DNAH11: variants seen among roughly 807,000 people sequenced by gnomAD.
DNAH11 encodes the protein axonemal beta dynein heavy chain 11.
In DNAH11, 442 loss-of-function variants were observed where a neutral mutation model predicts 526.0. That is an observed-to-expected ratio of 0.84 (90% CI 0.78 to 0.91). DNAH11 has a LOEUF of 0.91. Among genes scored for constraint, DNAH11 ranks in the 40% least tolerant of loss-of-function variants. The pLI, the probability that DNAH11 is intolerant of heterozygous loss-of-function variation, is 0.00. For synonymous variants in DNAH11, 2,461 were observed against 1,935.9 expected, an observed-to-expected ratio of 1.27 and a Z score of -7.12; for missense variants, 6,989 against 5,448.7, an observed-to-expected ratio of 1.28 and a Z score of -8.90.
chr7:21,742,174 G>A lies in DNAH11; in HGVS notation c.8154+8G>A. The A allele has an allele frequency of 6.2e-7, 1 of 1,613,264 alleles. No homozygotes were observed. The highest frequency in any genetic ancestry group is 8.5e-7 in the Non-Finnish European group (1 of 1,179,716). On this transcript the variant is annotated splice_region_variant and intron_variant, in intron 49 of 81. Transcript: ENST00000409508. ...TTATCAAACGTCTTCCAGGTACCTT[G>A]ACTGCTCTATGTTATGCCTCTTGAG...
chr7:21,634,455 A>G (rs1015940642), intron 25 of DNAH11, among the ~76,000 whole-genome samples: 1 of 152,214 alleles, frequency 6.6e-6, no homozygotes, highest in African/African-American at 2.4e-5. Context: ...TTTTTCCCTC[A>G]AAGAAGAGTC....
At chr7:21,821,436 C>T (rs1455597589) in intron 65 of DNAH11, among the ~76,000 whole-genome samples, 2 of 152,152 alleles carry the variant, frequency 1.3e-5, no homozygotes, top group Non-Finnish European at 2.9e-5. Flanking sequence ...AGAGGGTACC[C>T]TGTCTTGCCT....
rs186599033 is a variant in DNAH11 at position 21,603,795 on chromosome 7, C to G, written c.3648+2177C>G. Among the ~76,000 whole-genome samples the G allele has an allele frequency of 1.1e-3, 167 of 152,154 alleles. 1 individual carries two copies. Among genetic ancestry groups the G allele is most frequent in the African/African-American group, 3.6e-3 (151 of 41,504 alleles). The stretch of plus-strand genomic sequence containing the variant: ...ATATTCCTTGAATCAGATGTTGAAC[C>G]TTAAACTATATCTCATAGAGAAAGT... On this transcript the variant is annotated intron_variant, in intron 18 of 81. Coordinates refer to ENST00000409508, the MANE Select transcript of DNAH11 (RefSeq NM_001277115.2).
chr7:21,680,723 G>A (rs992290479), intron 30 of DNAH11, among the ~76,000 whole-genome samples: 5 of 151,928 alleles, frequency 3.3e-5, no homozygotes, highest in Admixed American at 6.6e-5. Context: ...CGAGTTCGAC[G>A]GACCTAAACA....
intron 25 of DNAH11, among the ~76,000 whole-genome samples, chr7:21,630,849 G>A (rs933273717): frequency 4.6e-5 from 7 of 151,896 alleles, no homozygotes; most frequent in Non-Finnish European, 8.8e-5. Context: ...TTTGTACCTG[G>A]ATATTTATAT....
At position 21,861,786 on chromosome 7, in the gene DNAH11, G is replaced by A. The variant is rs375077953; in HGVS notation, c.11203-67G>A. 3 of 1,584,908 alleles carry A rather than the reference G, an allele frequency of 1.9e-6. No individual in the cohort carries two copies. In the East Asian group the frequency reaches 6.8e-5, roughly 36 times the overall value. On this transcript the variant is annotated intron_variant, in intron 68 of 81. Transcript: ENST00000409508. ...GATAAACCTTAAACTGTTGCCCTGT[G>A]TATCGGGGGTAGCTAGACATCCAGG...
At chr7:21,593,610 A>C (rs1784767034) in intron 14 of DNAH11, among the ~76,000 whole-genome samples, 1 of 152,166 alleles carries the variant, frequency 6.6e-6, no homozygotes, top group Admixed American at 6.5e-5. Flanking sequence ...GTGTCTTTAG[A>C]CAGGAGCGCG....
At chr7:21,566,311 G>T (rs1192840464) in intron 6 of DNAH11, among the ~76,000 whole-genome samples, 1 of 152,006 alleles carries the variant, frequency 6.6e-6, no homozygotes, top group African/African-American at 2.4e-5. Flanking sequence ...CTATCCAAAG[G>T]TTTCATTGAC....
chr7:21,706,248 C>G (rs1784257383), intron 39 of DNAH11, among the ~76,000 whole-genome samples: 1 of 151,866 alleles, frequency 6.6e-6, no homozygotes, highest in Non-Finnish European at 1.5e-5. Context: ...TTTGGTCTTA[C>G]TGACAGTCCT....
intron 12 of DNAH11, among the ~76,000 whole-genome samples, chr7:21,589,696 T>C (rs1373957292): frequency 2.0e-5 from 3 of 152,204 alleles, no homozygotes; most frequent in Non-Finnish European, 4.4e-5. Flanking sequence ...GTTTCTAGTT[T>C]AGTGTCTGGT....
chr7:21,892,398 T>C, intron 76 of DNAH11, 27 bp from the exon 77 acceptor site: 1 of 1,589,096 alleles, frequency 6.3e-7, no homozygotes, highest in Non-Finnish European at 8.6e-7. Flanking sequence ...ACATTTGGAA[T>C]AACTGACTTT....
intron 68 of DNAH11, 118 bp from the exon 69 acceptor site, chr7:21,861,735 A>T: frequency 2.9e-6 from 3 of 1,021,300 alleles, no homozygotes; most frequent in Non-Finnish European, 4.2e-6. Context: ...CCTCCTAAAA[A>T]TTTTGCCTCA....
intron 30 of DNAH11, among the ~76,000 whole-genome samples, chr7:21,673,399 A>G (rs1367686570): frequency 1.3e-5 from 2 of 152,214 alleles, no homozygotes; most frequent in African/African-American, 2.4e-5. Flanking sequence ...TACACAGTAC[A>G]CATGTACCCA....
At chr7:21,648,301 C>A (rs941573160) in intron 28 of DNAH11, among the ~76,000 whole-genome samples, 3 of 152,186 alleles carry the variant, frequency 2.0e-5, no homozygotes, top group African/African-American at 7.2e-5. Context: ...TGTATCCATG[C>A]CCTTTGAATG....
At chr7:21,659,544 G>A (rs1782156930) in intron 30 of DNAH11, among the ~76,000 whole-genome samples, 1 of 151,928 alleles carries the variant, frequency 6.6e-6, no homozygotes, top group African/African-American at 2.4e-5. Context: ...TGTGCTGTGA[G>A]CTATATAACA....
intron 74 of DNAH11, among the ~76,000 whole-genome samples, chr7:21,876,025 A>G (rs1783696913): frequency 6.6e-6 from 1 of 151,958 alleles, no homozygotes; most frequent in South Asian, 2.1e-4. Flanking sequence ...CTGGGACTAC[A>G]GGTGCCTGCC....
intron 9 of DNAH11, among the ~76,000 whole-genome samples, chr7:21,582,760 G>A (rs1224652333): frequency 6.6e-6 from 1 of 152,116 alleles, no homozygotes; most frequent in Non-Finnish European, 1.5e-5. Context: ...TCCCAAAAGA[G>A]GGATGGAGGG....
intron 8 of DNAH11, among the ~76,000 whole-genome samples, chr7:21,576,320 A>G (rs7797607): frequency 0.45 from 68,964 of 152,098 alleles, 16,353 homozygotes; most frequent in East Asian, 0.76. Context: ...GCCACAAACA[A>G]CCCTTGAAAA....
chr7:21,784,468 A>T lies in DNAH11; in HGVS notation c.9525A>T (p.Glu3175Asp), dbSNP rs1562543633. The T allele has an allele frequency of 5.0e-6, 8 of 1,613,476 alleles. No individual in the cohort carries two copies. Among genetic ancestry groups the T allele is most frequent in the African/African-American group, 1.3e-5 (1 of 74,912 alleles). ...CTGAAGTGTTCCAGAAACAGAGAGA[A>T]TGTGAAGCTGACTTACTCAAGGCTG... is the stretch of plus-strand genomic sequence containing the variant. ...IQTEVFQKQR[E>D]CEADLLKAEP... The change falls in exon 58 of 82, where the codon GAA becomes GAT. Residue 3175 changes from glutamate (E) to aspartate (D), a missense_variant. By Grantham distance (45) the Glu-to-Asp change is conservative. Transcript: ENST00000409508.
Sources: gnomAD v4.1 joint callset for allele counts (sites outside exome capture counted in the v4.1 genomes callset) on GRCh38, gnomAD v4.1.1 for gene constraint, MANE v1.5 for transcripts, NCBI Gene and HGNC (gene_info 2026-07-23, HGNC 2026-07-21) for gene names.